PCDHGA10: variants seen among roughly 807,000 people sequenced by gnomAD.
PCDHGA10 encodes the protein protocadherin gamma-A10.
A neutral mutation model predicts 59.5 loss-of-function variants in PCDHGA10; 42 were observed. The observed-to-expected ratio is 0.71, with a 90% CI of 0.55 to 0.91. The LOEUF is 0.91. Ranked by LOEUF, PCDHGA10 falls within the 40% of genes least tolerant of loss-of-function variation. The pLI is 0.00. For synonymous variants in PCDHGA10, 511 were observed against 517.2 expected, an observed-to-expected ratio of 0.99 and a Z score of 0.16; for missense variants, 1,111 against 1,198.2, an observed-to-expected ratio of 0.93 and a Z score of 1.07.
chr5:141,413,352 G>C lies in PCDHGA10; in HGVS notation c.177G>C (p.Ala59=), dbSNP rs896091511. ...VGNISKDLGL[A]PRELAERGVR... ...ACATCTCCAAGGACTTGGGTCTGGC[G>C]CCCCGGGAGCTGGCGGAGCGCGGAG... The change falls in exon 1 of 4, where the codon GCG becomes GCC. Residue 59 remains alanine, a synonymous_variant. Coordinates refer to ENST00000398610, the MANE Select transcript of PCDHGA10 (RefSeq NM_018913.3). 1.9e-6 allele frequency: 3 copies of C among 1,613,858 alleles called. No homozygotes were observed. In the African/African-American group the frequency reaches 4.0e-5, roughly 22 times the overall value.
chr5:141,433,564 G>A (rs1380905062), intron 1 of PCDHGA10, among the ~76,000 whole-genome samples: 1 of 152,042 alleles, frequency 6.6e-6, no homozygotes, highest in Non-Finnish European at 1.5e-5. Flanking sequence ...GGCTGGGCGC[G>A]GTGGCTCACG....
In PCDHGA10 at chr5:141,415,015, A is replaced by C. The variant is rs2095814085; in HGVS notation, c.1840A>C (p.Lys614Gln). Residue 614 changes from lysine to glutamine, a missense_variant, in exon 1 of 4, where the codon AAG becomes CAG. Physicochemically the swap from Lys to Gln is moderately conservative, Grantham distance 53 (BLOSUM62 1). Coordinates refer to ENST00000398610, the MANE Select transcript of PCDHGA10 (RefSeq NM_018913.3). The stretch of plus-strand genomic sequence containing the variant: ...CGCCTGGCTGTCCTACCGTCTGCTC[A>C]AGGCCAGCGAGCCGGGACTCTTCGC... ...QNAWLSYRLL[K>Q]ASEPGLFAVG... 1 of 1,613,598 alleles carries C rather than the reference A, an allele frequency of 6.2e-7. No homozygotes were observed. The highest frequency in any genetic ancestry group is 2.2e-5 in the East Asian group (1 of 44,870).
chr5:141,422,140 C>A, intron 1 of PCDHGA10: 1 of 1,586,776 alleles, frequency 6.3e-7, no homozygotes, highest in Non-Finnish European at 8.5e-7. Flanking sequence ...AGTTCAAGTA[C>A]GGGGGTCTCT....
chr5:141,438,471 A>C (rs1019238906), intron 1 of PCDHGA10, among the ~76,000 whole-genome samples: 4 of 151,396 alleles, frequency 2.6e-5, no homozygotes, highest in Admixed American at 2.6e-4. Flanking sequence ...CAATTATTGG[A>C]AAGTGGTCTC....
chr5:141,432,139 TATCCCAGAGAACA>T lies in PCDHGA10; in HGVS notation c.2436+16538_2436+16550del, dbSNP rs745506362. On this transcript the variant is annotated intron_variant, in intron 1 of 3. Transcript: ENST00000398610. The surrounding 1 kb of genome is among the most constrained non-coding windows in gnomAD (Gnocchi z 6.0). ...TCCCTCAGGCCTCCTATTCCGCTTA[TATCCCAGAGAACA>T]ATCCCAGAGGAGTTTCCCTCGTCTC... 1.1e-5 allele frequency: 17 copies of T among 1,613,976 alleles called. No individual in the cohort carries two copies. The highest frequency in any genetic ancestry group is 1.3e-5 in the African/African-American group (1 of 74,892).
At chr5:141,419,504 C>A in intron 1 of PCDHGA10, 1 of 1,612,298 alleles carries the variant, frequency 6.2e-7, no homozygotes, top group Non-Finnish European at 8.5e-7. Flanking sequence ...TGTGAGCCTG[C>A]GCGTGTTGGT....
intron 1 of PCDHGA10, among the ~76,000 whole-genome samples, chr5:141,481,869 G>A (rs909237712): frequency 4.1e-5 from 6 of 146,780 alleles, no homozygotes; most frequent in East Asian, 2.0e-4. Flanking sequence ...AGCCGAGATC[G>A]CGCCACTGCA....
chr5:141,455,162 T>G (rs1002208156), intron 1 of PCDHGA10, among the ~76,000 whole-genome samples: 5 of 150,972 alleles, frequency 3.3e-5, no homozygotes, highest in African/African-American at 7.3e-5. Context: ...GTTTGTTGGT[T>G]TTTTTTTTAG....
chr5:141,432,949 CG>C lies in PCDHGA10; in HGVS notation c.2436+17340del, dbSNP rs930064840. 6.2e-7 allele frequency: 1 copy of C among 1,614,066 alleles called. No individual in the cohort carries two copies. Among genetic ancestry groups the C allele is most frequent in the African/African-American group, 1.3e-5 (1 of 74,930 alleles). ...CACGCCTGCTGCAGGCTTCAGGAGG[CG>C]GCTTGACAGGAGCGCCGGCGTCGCA... On this transcript the variant is annotated intron_variant, in intron 1 of 3. Transcript: ENST00000398610. This position sits in a 1 kb window ranked among gnomAD's most constrained non-coding sequence, Gnocchi z 6.0.
intron 1 of PCDHGA10, among the ~76,000 whole-genome samples, chr5:141,452,271 C>A (rs1592214421): frequency 6.6e-6 from 1 of 152,108 alleles, no homozygotes. Flanking sequence ...TTTCTTGAAC[C>A]CTTTCTTACT....
At chr5:141,465,457 C>G (rs956070103) in intron 1 of PCDHGA10, among the ~76,000 whole-genome samples, 1 of 152,214 alleles carries the variant, frequency 6.6e-6, no homozygotes, top group Non-Finnish European at 1.5e-5. Context: ...AAAACTCTCA[C>G]CAAATTGCCC....
In PCDHGA10 at chr5:141,485,507, G is replaced by A. The variant is rs766643911; in HGVS notation, c.2437-9300G>A. 6.8e-6 allele frequency: 11 copies of A among 1,614,174 alleles called. No homozygotes were observed. Among genetic ancestry groups the A allele is most frequent in the Non-Finnish European group, 8.5e-6 (10 of 1,180,036 alleles). ...CGTGCCCCTGGAGTTTGTCACCGAA[G>A]GTCCTTTGGAAATGTACCGAGCAGA... On this transcript the variant is annotated intron_variant, in intron 1 of 3. Transcript: ENST00000398610. The surrounding 1 kb of genome is among the most constrained non-coding windows in gnomAD (Gnocchi z 5.7).
At chr5:141,452,760 G>C (rs920853226) in intron 1 of PCDHGA10, among the ~76,000 whole-genome samples, 1 of 152,120 alleles carries the variant, frequency 6.6e-6, no homozygotes, top group African/African-American at 2.4e-5. Context: ...AAGGAAGGGA[G>C]GGAGGGAAAA....
chr5:141,425,566 G>T (rs532293951), intron 1 of PCDHGA10, among the ~76,000 whole-genome samples: 1 of 152,348 alleles, frequency 6.6e-6, no homozygotes, highest in Admixed American at 6.5e-5. Context: ...TAAGTGATAA[G>T]AAGGGTTTGG....
At chr5:141,478,603 A>C (rs116528962) in intron 1 of PCDHGA10, 173 of 1,563,096 alleles carry the variant, frequency 1.1e-4, no homozygotes, top group Non-Finnish European at 1.4e-4. Context: ...CCTACATCAT[A>C]TTGAGGAAGG....
At chr5:141,506,444 CAAAAAAAA>C (rs1219684339) in intron 3 of PCDHGA10, among the ~76,000 whole-genome samples, 24 of 95,024 alleles carry the variant, frequency 2.5e-4, no homozygotes, top group African/African-American at 9.5e-4. Flanking sequence ...CGCTCTGTCT[CAAAAAAAA>C]AAAAAAAAAA....
Position 141,490,644 on chromosome 5 carries a change from T to G in PCDHGA10, c.2437-4163T>G, listed in dbSNP as rs772742713. 1 of 1,614,188 alleles carries G rather than the reference T, an allele frequency of 6.2e-7. No individual in the cohort carries two copies. Among genetic ancestry groups the G allele is most frequent in the Non-Finnish European group, 8.5e-7 (1 of 1,180,016 alleles). The stretch of plus-strand genomic sequence containing the variant: ...CTGCTTACATCCTAGAAAACCGGCC[T>G]CCGGGCTCCCTTCTTTGCACTGTGG... On this transcript the variant is annotated intron_variant, in intron 1 of 3. Transcript: ENST00000398610. The surrounding 1 kb of genome is among the most constrained non-coding windows in gnomAD (Gnocchi z 5.4).
At chr5:141,420,359 A>G in intron 1 of PCDHGA10, 1 of 1,378,858 alleles carries the variant, frequency 7.3e-7, no homozygotes, top group Non-Finnish European at 9.6e-7. Flanking sequence ...TTAAGATTCT[A>G]GATAACTTCT....
chr5:141,419,681 G>T (rs377117997), intron 1 of PCDHGA10: 89 of 1,612,904 alleles, frequency 5.5e-5, no homozygotes, highest in Non-Finnish European at 7.0e-5. Flanking sequence ...GTCCTACCAC[G>T]TGGTGCAGGC....
Sources: allele counts gnomAD v4.1 joint callset (sites outside exome capture counted in the v4.1 genomes callset), GRCh38; gene constraint gnomAD v4.1.1; non-coding constraint Gnocchi (gnomAD v3.1); transcripts MANE v1.5; gene names NCBI Gene and HGNC (gene_info 2026-07-23, HGNC 2026-07-21).